SSBP2: variants seen among roughly 807,000 people sequenced by gnomAD.
SSBP2 encodes the protein single stranded DNA binding protein 2.
In SSBP2, 17 loss-of-function variants were observed where a neutral mutation model predicts 61.8. That is an observed-to-expected ratio of 0.28 (90% confidence interval 0.19 to 0.41). The LOEUF is 0.41. Among genes scored for constraint, SSBP2 ranks in the 10% least tolerant of loss-of-function variants. The pLI is 1.00. For missense variants in SSBP2, 310 were observed against 458.7 expected, an observed-to-expected ratio of 0.68 and a Z score of 2.96; for synonymous variants, 139 against 141.3, an observed-to-expected ratio of 0.98 and a Z score of 0.12.
chr5:81,578,066 T>G (rs1774368436), intron 4 of SSBP2, among the ~76,000 whole-genome samples: 1 of 152,066 alleles, frequency 6.6e-6, no homozygotes, highest in Non-Finnish European at 1.5e-5. Flanking sequence ...ATGGTTCAGC[T>G]GGGATTTAAA....
chr5:81,503,555 T>C (rs1392489905), intron 5 of SSBP2, among the ~76,000 whole-genome samples: 1 of 152,192 alleles, frequency 6.6e-6, no homozygotes, highest in African/African-American at 2.4e-5. Flanking sequence ...AGTGCAATCA[T>C]TGTGGAAAGC....
At chr5:81,650,845 A>G (rs968811720) in intron 1 of SSBP2, among the ~76,000 whole-genome samples, 1 of 152,130 alleles carries the variant, frequency 6.6e-6, no homozygotes, top group African/African-American at 2.4e-5. Context: ...CTTATTCTTT[A>G]GATTTGATTG....
chr5:81,668,418 A>T (rs1048412094), intron 1 of SSBP2, among the ~76,000 whole-genome samples: 33 of 152,234 alleles, frequency 2.2e-4, no homozygotes, highest in Middle Eastern at 6.8e-3. Context: ...AAAAATGACT[A>T]GGCTGTAAGA....
At chr5:81,614,228 C>A (rs1033740809) in intron 4 of SSBP2, among the ~76,000 whole-genome samples, 4 of 151,938 alleles carry the variant, frequency 2.6e-5, no homozygotes, top group Admixed American at 6.6e-5. Flanking sequence ...GGCGTGTTGG[C>A]GGGCGCCTGT....
chr5:81,680,144 C>T (rs1005034536), intron 1 of SSBP2, among the ~76,000 whole-genome samples: 2 of 151,758 alleles, frequency 1.3e-5, no homozygotes, highest in African/African-American at 4.8e-5. Context: ...ACCATTAGCT[C>T]TCATGGTTTT....
Position 81,566,929 on chromosome 5 carries a change from T to A in SSBP2, c.282+48544A>T, listed in dbSNP as rs527282238. ...GGAACTTTGAACTTGAGAGAGATGATTTAGTGTATCTGACAGAAGAAATTC... is the reference window on the plus strand; with the variant it reads ...GGAACTTTGAACTTGAGAGAGATGAATTAGTGTATCTGACAGAAGAAATTC... On this transcript the variant is annotated intron_variant, in intron 4 of 16. Coordinates refer to ENST00000320672, the MANE Select transcript of SSBP2 (RefSeq NM_012446.5). Among the ~76,000 whole-genome samples the A allele has an allele frequency of 9.9e-5, 15 of 152,264 alleles. No homozygotes were observed. In the South Asian group the frequency reaches 3.1e-3, roughly 32 times the overall value.
intron 5 of SSBP2, among the ~76,000 whole-genome samples, chr5:81,510,760 CA>C (rs376717678): frequency 1.9e-3 from 260 of 140,178 alleles, no homozygotes; most frequent in Middle Eastern, 3.7e-3. Flanking sequence ...AACTCCATCT[CA>C]AAAAAAAAAA....
rs1318549611 is a variant in SSBP2, at chr5:81,420,429, T to G, written c.*75A>C. ...TCCTTTGTTTAACTGTACACTGTGA[T>G]GAATAATTTTCTTCCGTAGTAGTTC... On this transcript the variant is annotated 3_prime_UTR_variant, in exon 17 of 17. Transcript: ENST00000320672. 3 of 1,384,958 alleles carry G rather than the reference T, an allele frequency of 2.2e-6. No homozygotes were observed. The highest frequency in any genetic ancestry group is 3.1e-6 in the Non-Finnish European group (3 of 972,214). The allele number at this position is 1,384,958 out of a possible 1,614,324, so 85.8% of individuals were successfully genotyped here. A position where few individuals can be genotyped will look rare whatever the true frequency, so the allele number is the denominator to read the frequency against.
At chr5:81,541,988 C>T (rs1274270145) in intron 4 of SSBP2, among the ~76,000 whole-genome samples, 1 of 152,200 alleles carries the variant, frequency 6.6e-6, no homozygotes, top group Non-Finnish European at 1.5e-5. Context: ...AACCAACCTA[C>T]AGAATGGGAG....
chr5:81,456,705 C>T (rs971419418), intron 10 of SSBP2, among the ~76,000 whole-genome samples: 7 of 151,968 alleles, frequency 4.6e-5, no homozygotes, highest in Admixed American at 6.6e-5. Flanking sequence ...AAATTAAAAT[C>T]GTAACTTTTA....
chr5:81,726,265 G>A (rs73137686), intron 1 of SSBP2, among the ~76,000 whole-genome samples: 10,973 of 152,066 alleles, frequency 0.072, 626 homozygotes, highest in African/African-American at 0.15. Flanking sequence ...AGAGCCCTCC[G>A]GGACCACATA....
At chr5:81,488,524 C>T (rs977577995) in intron 6 of SSBP2, among the ~76,000 whole-genome samples, 7 of 152,036 alleles carry the variant, frequency 4.6e-5, no homozygotes, top group African/African-American at 1.7e-4. Flanking sequence ...TTTATATCTT[C>T]TTTGGAAAAC....
rs1386889464 is a variant in SSBP2 at position 81,417,855 on chromosome 5, G to A, written c.*2649C>T. 6.7e-6 allele frequency: 1 copy of A among 149,142 alleles called. No individual in the cohort carries two copies. The highest frequency in any genetic ancestry group is 2.5e-5 in the African/African-American group (1 of 40,416). The allele number at this position is 149,142 out of a possible 1,614,324, so 9.2% of individuals were successfully genotyped here. A position where few individuals can be genotyped will look rare whatever the true frequency, so the allele number is the denominator to read the frequency against. ...TAATCTGGGCTCCAAGAAGAAAAAA[G>A]AAATAAATACTTATAATCAATTGAC... On this transcript the variant is annotated 3_prime_UTR_variant, in exon 17 of 17. Transcript: ENST00000320672.
chr5:81,602,161 G>C (rs555716432), intron 4 of SSBP2, among the ~76,000 whole-genome samples: 1 of 152,160 alleles, frequency 6.6e-6, no homozygotes, highest in African/African-American at 2.4e-5. Flanking sequence ...AGTAGCCCAT[G>C]TTTGCCACTG....
At chr5:81,500,808 T>G (rs1337023826) in intron 5 of SSBP2, among the ~76,000 whole-genome samples, 1 of 152,086 alleles carries the variant, frequency 6.6e-6, no homozygotes, top group Non-Finnish European at 1.5e-5. Context: ...CACCAAGAAG[T>G]CTGTTTTGAA....
intron 14 of SSBP2, among the ~76,000 whole-genome samples, chr5:81,438,198 A>AAAATTAGCCGGGCATGGTGGCAGGCC (rs1762792604): frequency 6.6e-6 from 1 of 152,042 alleles, no homozygotes; most frequent in Non-Finnish European, 1.5e-5. Context: ...TAAAAATACA[A>AAAATTAGCCGGGCATGGTGGCAGGCC]AAATTAGCCG....
intron 4 of SSBP2, among the ~76,000 whole-genome samples, chr5:81,594,900 A>G (rs1743549617): frequency 6.6e-6 from 1 of 152,196 alleles, no homozygotes; most frequent in Non-Finnish European, 1.5e-5. Context: ...GGAAAGATCT[A>G]AAATTGACAC....
chr5:81,448,888 A>G (rs555921297), intron 10 of SSBP2, 63 bp from the exon 11 acceptor site: 31 of 1,246,090 alleles, frequency 2.5e-5, no homozygotes, highest in Non-Finnish European at 3.4e-5. Flanking sequence ...CTGACCTAAA[A>G]TGAATTTATT....
At chr5:81,425,079 C>T (rs902186765) in intron 16 of SSBP2, among the ~76,000 whole-genome samples, 3 of 152,046 alleles carry the variant, frequency 2.0e-5, no homozygotes, top group African/African-American at 7.2e-5. Context: ...AAATGTATAC[C>T]AACTTATTTT....
Sources: gnomAD v4.1 joint callset for allele counts (sites outside exome capture counted in the v4.1 genomes callset) on GRCh38, gnomAD v4.1.1 for gene constraint, MANE v1.5 for transcripts, NCBI Gene and HGNC (gene_info 2026-07-23, HGNC 2026-07-21) for gene names.